The following NRG2 variants were observed in gnomAD, a reference collection of about 807,000 sequenced individuals.
NRG2 encodes pro-neuregulin-2, membrane-bound isoform.
In NRG2, 27 loss-of-function variants were observed where a neutral mutation model predicts 73.9. The observed-to-expected ratio is 0.37, with a 90% confidence interval of 0.27 to 0.50. NRG2 has a LOEUF of 0.50. Ranked by LOEUF, NRG2 falls within the 20% of genes least tolerant of loss-of-function variation. NRG2 has a pLI of 0.96. For synonymous variants in NRG2, 532 were observed against 541.0 expected (o/e 0.98, Z 0.23); for missense variants, 1,126 against 1,210.1 (o/e 0.93, Z 1.03).
chr5:140,010,072 T>G (rs569689336), intron 1 of NRG2, among the ~76,000 whole-genome samples: 2 of 152,118 alleles, frequency 1.3e-5, no homozygotes, highest in South Asian at 4.2e-4. Flanking sequence ...CCAAGGTGGG[T>G]GGATCATTTG....
chr5:139,863,969 ACCTAAATCCCCAAACC>A (rs1017874239), intron 5 of NRG2, among the ~76,000 whole-genome samples: 4 of 152,066 alleles, frequency 2.6e-5, no homozygotes, highest in African/African-American at 9.7e-5. Flanking sequence ...CCACCCTGAG[ACCTAAATCCCCAAACC>A]CCTTTTCTCC....
chr5:140,008,640 G>C lies in NRG2; in HGVS notation c.700+33730C>G, dbSNP rs528018149. 1.3e-5 allele frequency among the ~76,000 whole-genome samples: 2 copies of C among 152,186 alleles called. No individual in the cohort carries two copies. Among genetic ancestry groups the C allele is most frequent in the Non-Finnish European group, 2.9e-5 (2 of 68,038 alleles). On this transcript the variant is annotated intron_variant, in intron 1 of 9. Transcript: ENST00000361474. The surrounding 1 kb of genome is among the most constrained non-coding windows in gnomAD (Gnocchi z 4.2). ...TGTATATACACTACAGTGAATTCCAGACGGGTCAGCATTAAATGCCAACTT... is the reference window on the plus strand; with the variant it reads ...TGTATATACACTACAGTGAATTCCACACGGGTCAGCATTAAATGCCAACTT...
intron 1 of NRG2, among the ~76,000 whole-genome samples, chr5:140,034,177 G>C (rs1237258042): frequency 6.6e-6 from 1 of 152,096 alleles, no homozygotes; most frequent in Non-Finnish European, 1.5e-5. Context: ...AGCCAGGATG[G>C]TCTCGATCTC....
At chr5:139,921,333 G>A (rs1401809277) in intron 1 of NRG2, among the ~76,000 whole-genome samples, 1 of 152,220 alleles carries the variant, frequency 6.6e-6, no homozygotes, top group Non-Finnish European at 1.5e-5. Flanking sequence ...TACACTGCCT[G>A]ACTTTGAGGC....
At position 139,887,857 on chromosome 5, in the gene NRG2, A is replaced by G. The variant is rs1466189779; in HGVS notation, c.701-346T>C. 6.6e-6 allele frequency among the ~76,000 whole-genome samples: 1 copy of G among 152,130 alleles called. No individual in the cohort carries two copies. Among genetic ancestry groups the G allele is most frequent in the African/African-American group, 2.4e-5 (1 of 41,432 alleles). ...AACAGAGGCTCGGAATGGTGAAGTC[A>G]CTTCCCTAAGGGCAGATGATGGAAC... On this transcript the variant is annotated intron_variant, in intron 1 of 9. Coordinates refer to ENST00000361474, the MANE Select transcript of NRG2 (RefSeq NM_004883.3). The surrounding 1 kb of genome is among the most constrained non-coding windows in gnomAD (Gnocchi z 4.5).
chr5:139,908,492 T>A (rs567221410), intron 1 of NRG2, among the ~76,000 whole-genome samples: 1 of 152,192 alleles, frequency 6.6e-6, no homozygotes, highest in Admixed American at 6.5e-5. Flanking sequence ...TTAACTCACT[T>A]AATTCTTCAC....
chr5:139,939,199 ATTTC>A (rs1267438601), intron 1 of NRG2, among the ~76,000 whole-genome samples: 1 of 135,206 alleles, frequency 7.4e-6, no homozygotes, highest in Non-Finnish European at 1.6e-5. Context: ...TTTGGCAAAG[ATTTC>A]TTTCCTTCCT....
chr5:139,852,335 G>C lies in NRG2; in HGVS notation c.1544+97C>G. On this transcript the variant is annotated intron_variant, in intron 8 of 9. Transcript: ENST00000361474. The surrounding 1 kb of genome is among the most constrained non-coding windows in gnomAD (Gnocchi z 4.4). ...TGATTCCTGTGGCAAGCTCAGGGGA[G>C]GGTATTGAATAGCTCTGGATGTCGG... 1 of 1,454,982 alleles carries C rather than the reference G, an allele frequency of 6.9e-7. No individual in the cohort carries two copies. The highest frequency in any genetic ancestry group is 9.3e-7 in the Non-Finnish European group (1 of 1,073,202). The allele number at this position is 1,454,982 out of a possible 1,614,324, so 90.1% of individuals were successfully genotyped here. A position where few individuals can be genotyped will look rare whatever the true frequency, so the allele number is the denominator to read the frequency against.
At chr5:139,881,439 G>A (rs1763521483) in intron 2 of NRG2, among the ~76,000 whole-genome samples, 1 of 152,194 alleles carries the variant, frequency 6.6e-6, no homozygotes, top group Non-Finnish European at 1.5e-5. Flanking sequence ...TGGTGATGGT[G>A]CCCAGACTCC....
At chr5:139,934,683 A>T (rs1752714331) in intron 1 of NRG2, among the ~76,000 whole-genome samples, 1 of 152,258 alleles carries the variant, frequency 6.6e-6, no homozygotes, top group Non-Finnish European at 1.5e-5. Flanking sequence ...AGAGATTGTC[A>T]AATTGTATAA....
intron 1 of NRG2, among the ~76,000 whole-genome samples, chr5:139,888,673 C>T (rs1764026905): frequency 6.6e-6 from 1 of 152,110 alleles, no homozygotes. Flanking sequence ...TGAGCTGCTG[C>T]ATATACGCAG....
intron 1 of NRG2, among the ~76,000 whole-genome samples, chr5:140,040,432 C>A (rs529894237): frequency 6.6e-6 from 1 of 152,270 alleles, no homozygotes; most frequent in African/African-American, 2.4e-5. Flanking sequence ...CTGCATTCAA[C>A]TGTTAAGCTA....
chr5:139,909,340 T>G lies in NRG2; in HGVS notation c.701-21829A>C, dbSNP rs537987817. Among the ~76,000 whole-genome samples the G allele has an allele frequency of 9.8e-5, 15 of 152,290 alleles. No homozygotes were observed. In the South Asian group the frequency reaches 3.1e-3, roughly 32 times the overall value. On this transcript the variant is annotated intron_variant, in intron 1 of 9. Transcript: ENST00000361474. ...ACCCCATACTACCTCTTCCCCTACC[T>G]GAGACTTTGGGACTCCGAGTCTTAC...
intron 1 of NRG2, among the ~76,000 whole-genome samples, chr5:139,960,078 T>C (rs1346387191): frequency 2.0e-5 from 3 of 152,186 alleles, no homozygotes; most frequent in Admixed American, 2.0e-4. Flanking sequence ...GGGAATTCAT[T>C]CCACACATCA....
intron 1 of NRG2, among the ~76,000 whole-genome samples, chr5:139,934,928 G>A (rs1752735345): frequency 6.6e-6 from 1 of 152,186 alleles, no homozygotes; most frequent in South Asian, 2.1e-4. Context: ...ACTTTGGGAG[G>A]CTGAGCCTGG....
chr5:139,906,381 GGGT>G (rs957968447), intron 1 of NRG2, among the ~76,000 whole-genome samples: 2 of 152,000 alleles, frequency 1.3e-5, no homozygotes, highest in Non-Finnish European at 2.9e-5. Context: ...AACTCCTCAT[GGGT>G]GTCCAAAGCC....
In NRG2 at chr5:139,871,809, C is replaced by T. The variant is rs1445926672; in HGVS notation, c.1024G>A (p.Ala342Thr). The stretch of plus-strand genomic sequence containing the variant: ...TTGGCTGTCTCGTTGCACTTCCGGG[C>T]GTGCCCCGACCAGGATGACAGGGTG... ...STTLSSWSGHARKCNETAKSY... is the reference protein window; with the variant it reads ...STTLSSWSGHTRKCNETAKSY... Residue 342 changes from alanine (A) to threonine (T), a missense_variant, in exon 4 of 10, where the codon GCC (alanine) becomes ACC (threonine). Transcript: ENST00000361474. 30 of 1,613,968 alleles carry T rather than the reference C, an allele frequency of 1.9e-5. No homozygotes were observed. The highest frequency in any genetic ancestry group is 2.7e-5 in the African/African-American group (2 of 74,896).
chr5:139,905,993 CAG>C (rs1765199974), intron 1 of NRG2, among the ~76,000 whole-genome samples: 1 of 152,142 alleles, frequency 6.6e-6, no homozygotes. Context: ...CCAAGGCCAT[CAG>C]AGTGAGCTTT....
intron 1 of NRG2, among the ~76,000 whole-genome samples, chr5:139,989,890 G>A (rs1295072052): frequency 6.6e-6 from 1 of 151,348 alleles, no homozygotes; most frequent in Non-Finnish European, 1.5e-5. Flanking sequence ...CTGGGTTCAT[G>A]CCATTCTCCT....
Sources: gnomAD v4.1 joint callset for allele counts (sites outside exome capture counted in the v4.1 genomes callset) on GRCh38, gnomAD v4.1.1 for gene constraint, Gnocchi (gnomAD v3.1) non-coding constraint, MANE v1.5 for transcripts, NCBI Gene and HGNC (gene_info 2026-07-23, HGNC 2026-07-21) for gene names.